FHIT: variants seen among roughly 807,000 people sequenced by gnomAD.
FHIT encodes fragile histidine triad diadenosine triphosphatase.
FHIT carries 19 observed loss-of-function variants against 17.9 expected under a neutral mutation model. That is an observed-to-expected ratio of 1.06 (90% CI 0.74 to 1.56). FHIT has a LOEUF of 1.56. Ranked by LOEUF, FHIT falls within the 40% of genes most tolerant of loss-of-function variation. FHIT has a pLI of 0.00. For missense variants in FHIT, 248 were observed against 189.2 expected, an observed-to-expected ratio of 1.31 and a Z score of -1.82; for synonymous variants, 81 against 69.7, an observed-to-expected ratio of 1.16 and a Z score of -0.81.
intron 8 of FHIT, among the ~76,000 whole-genome samples, chr3:59,813,418 C>T (rs1260659541): frequency 2.0e-5 from 3 of 152,064 alleles, no homozygotes; most frequent in Non-Finnish European, 4.4e-5. Flanking sequence ...CTTAAGAAGG[C>T]GACTGTTTGT....
At chr3:60,408,983 G>A (rs1284576325) in intron 5 of FHIT, among the ~76,000 whole-genome samples, 1 of 152,098 alleles carries the variant, frequency 6.6e-6, no homozygotes, top group East Asian at 1.9e-4. Flanking sequence ...ACTCGAGTCT[G>A]GAGTCAGACT....
Position 61,194,354 on chromosome 3 carries a change from G to A in FHIT, c.-164+6263C>T, listed in dbSNP as rs574455894. Among the ~76,000 whole-genome samples the A allele has an allele frequency of 1.6e-4, 25 of 152,210 alleles. No homozygotes were observed. The East Asian group carries it at 4.6e-3, about 28-fold the overall frequency. On this transcript the variant is annotated intron_variant, in intron 2 of 9. Coordinates refer to ENST00000492590, the MANE Select transcript of FHIT (RefSeq NM_002012.4). ...ACCTTGGTTCTGAGGGCTTTCCAATGTATTTCCTTCAGTTCAAAGTACTCA... is the reference window on the plus strand; with the variant it reads ...ACCTTGGTTCTGAGGGCTTTCCAATATATTTCCTTCAGTTCAAAGTACTCA...
chr3:60,216,053 G>C (rs778087947), intron 5 of FHIT, among the ~76,000 whole-genome samples: 1 of 152,138 alleles, frequency 6.6e-6, no homozygotes, highest in Non-Finnish European at 1.5e-5. Context: ...ATGGCAATAA[G>C]AAAGTATTTT....
chr3:60,901,640 A>G (rs1264099017), intron 3 of FHIT, among the ~76,000 whole-genome samples: 1 of 152,258 alleles, frequency 6.6e-6, no homozygotes, highest in Non-Finnish European at 1.5e-5. Context: ...GTAACAACTA[A>G]GTATTACCCT....
chr3:61,002,314 A>T (rs2031148406), intron 3 of FHIT, among the ~76,000 whole-genome samples: 1 of 152,162 alleles, frequency 6.6e-6, no homozygotes, highest in South Asian at 2.1e-4. Context: ...CACAAGCTGG[A>T]GTGCAGTGGC....
chr3:60,583,862 A>G (rs1241431628), intron 4 of FHIT, among the ~76,000 whole-genome samples: 1 of 151,984 alleles, frequency 6.6e-6, no homozygotes, highest in Non-Finnish European at 1.5e-5. Flanking sequence ...CCCCCAAACC[A>G]CTTTTTGCTA....
At chr3:61,156,198 T>C (rs1470110688) in intron 2 of FHIT, among the ~76,000 whole-genome samples, 1 of 152,232 alleles carries the variant, frequency 6.6e-6, no homozygotes, top group South Asian at 2.1e-4. Flanking sequence ...TTTTGCTTTT[T>C]ATCCTGCTGT....
chr3:60,041,905 C>T (rs62238405), intron 5 of FHIT, among the ~76,000 whole-genome samples: 1 of 152,208 alleles, frequency 6.6e-6, no homozygotes. Context: ...CAATTTATCC[C>T]TTCTAATTCT....
intron 5 of FHIT, among the ~76,000 whole-genome samples, chr3:60,200,825 G>A (rs919784831): frequency 1.3e-5 from 2 of 152,108 alleles, no homozygotes; most frequent in Admixed American, 6.5e-5. Context: ...CCACACACTG[G>A]CATCTACAAT....
chr3:60,188,314 C>G (rs1444554428), intron 5 of FHIT, among the ~76,000 whole-genome samples: 1 of 150,804 alleles, frequency 6.6e-6, no homozygotes, highest in Non-Finnish European at 1.5e-5. Flanking sequence ...GTTATTCCAC[C>G]TCACTTTTGT....
chr3:60,654,507 C>T (rs1044415373), intron 4 of FHIT, among the ~76,000 whole-genome samples: 1 of 151,900 alleles, frequency 6.6e-6, no homozygotes, highest in Non-Finnish European at 1.5e-5. Flanking sequence ...CTTGAAAAAA[C>T]TTGAAGATAT....
At chr3:60,512,430 A>G (rs1196026116) in intron 5 of FHIT, among the ~76,000 whole-genome samples, 1 of 152,198 alleles carries the variant, frequency 6.6e-6, no homozygotes, top group East Asian at 1.9e-4. Flanking sequence ...CTGAAAATCT[A>G]CTTAACTCCA....
chr3:60,549,088 T>C (rs773552387), intron 4 of FHIT, among the ~76,000 whole-genome samples: 1 of 152,170 alleles, frequency 6.6e-6, no homozygotes, highest in Non-Finnish European at 1.5e-5. Flanking sequence ...TATTTTGCCT[T>C]GACAAAAGTA....
intron 5 of FHIT, among the ~76,000 whole-genome samples, chr3:60,162,171 A>AAAT (rs2107369094): frequency 6.6e-6 from 1 of 152,284 alleles, no homozygotes; most frequent in Admixed American, 6.5e-5. Context: ...TATACATAGG[A>AAAT]AAGCTTCCTT....
At chr3:61,011,689 A>T (rs918772345) in intron 3 of FHIT, among the ~76,000 whole-genome samples, 2 of 152,188 alleles carry the variant, frequency 1.3e-5, no homozygotes, top group African/African-American at 4.8e-5. Context: ...TGGGGATGAC[A>T]ATTTCTGTTT....
At chr3:61,029,332 A>C (rs4688146) in intron 3 of FHIT, among the ~76,000 whole-genome samples, 2,937 of 152,316 alleles carry the variant, frequency 0.019, 90 homozygotes, top group Admixed American at 0.077. Context: ...GAAGCAATCT[A>C]ACGCGTATGA....
chr3:60,968,875 T>A (rs758260968), intron 3 of FHIT, among the ~76,000 whole-genome samples: 11 of 152,228 alleles, frequency 7.2e-5, no homozygotes, highest in Non-Finnish European at 1.3e-4. Context: ...TAAGTTGCAT[T>A]GACTGATTTT....
chr3:60,543,581 A>C (rs2107611051), intron 4 of FHIT, among the ~76,000 whole-genome samples: 1 of 152,232 alleles, frequency 6.6e-6, no homozygotes, highest in Non-Finnish European at 1.5e-5. Context: ...GATAGCTTTT[A>C]GTTTATGTCA....
intron 3 of FHIT, among the ~76,000 whole-genome samples, chr3:60,965,328 T>C (rs1423938977): frequency 1.3e-5 from 2 of 152,192 alleles, no homozygotes; most frequent in Non-Finnish European, 2.9e-5. Flanking sequence ...AGTTAGCGAT[T>C]CGTCTAATCT....
Sources: gnomAD v4.1 joint callset for allele counts (sites outside exome capture counted in the v4.1 genomes callset) on GRCh38, gnomAD v4.1.1 for gene constraint, MANE v1.5 for transcripts, NCBI Gene and HGNC (gene_info 2026-07-23, HGNC 2026-07-21) for gene names.